Variants in TCF4 observed in about 807,000 individuals in gnomAD.
TCF4 encodes the protein transcription factor 4.
In TCF4, 3 loss-of-function variants were observed where a neutral mutation model predicts 82.1. The observed-to-expected ratio is 0.04, with a 90% CI of 0.02 to 0.09. TCF4 has a LOEUF of 0.09. Ranked by LOEUF, TCF4 falls within the 10% of genes least tolerant of loss-of-function variation. The pLI is 1.00. For missense variants in TCF4, 518 were observed against 852.7 expected, an observed-to-expected ratio of 0.61 and a Z score of 4.89; for synonymous variants, 276 against 309.6, an observed-to-expected ratio of 0.89 and a Z score of 1.14.
intron 8 of TCF4, among the ~76,000 whole-genome samples, chr18:55,332,934 A>G (rs933692993): frequency 6.6e-6 from 1 of 152,236 alleles, no homozygotes; most frequent in African/African-American, 2.4e-5. Context: ...AAAGTTTTAT[A>G]AAGGCCAATT....
intron 9 of TCF4, among the ~76,000 whole-genome samples, chr18:55,278,000 G>A (rs1237084143): frequency 6.6e-6 from 1 of 152,022 alleles, no homozygotes; most frequent in Non-Finnish European, 1.5e-5. Context: ...CACCTAGGAC[G>A]GGTCACAAAG....
intron 5 of TCF4, among the ~76,000 whole-genome samples, chr18:55,425,974 T>G (rs1250972999): frequency 1.3e-5 from 2 of 152,104 alleles, no homozygotes; most frequent in Admixed American, 1.3e-4. Flanking sequence ...TCTTGGAGAT[T>G]TGTTTCCTTT....
At chr18:55,243,267 T>C (rs1320663996) in intron 15 of TCF4, among the ~76,000 whole-genome samples, 1 of 152,244 alleles carries the variant, frequency 6.6e-6, no homozygotes, top group African/African-American at 2.4e-5. Flanking sequence ...GTTTTCATAT[T>C]GTCAGACTAC....
intron 5 of TCF4, among the ~76,000 whole-genome samples, chr18:55,457,872 G>A (rs561238504): frequency 6.6e-6 from 1 of 152,116 alleles, no homozygotes; most frequent in South Asian, 2.1e-4. Context: ...TGTAATAATG[G>A]GTTTCATTAC....
chr18:55,504,246 G>A (rs2096730266), intron 3 of TCF4, among the ~76,000 whole-genome samples: 1 of 152,144 alleles, frequency 6.6e-6, no homozygotes, highest in Non-Finnish European at 1.5e-5. Flanking sequence ...GATAAGAAAC[G>A]TATACATGGG....
intron 6 of TCF4, chr18:55,402,241 T>A (rs1015098249): frequency 1.3e-5 from 13 of 985,120 alleles, no homozygotes; most frequent in African/African-American, 1.7e-5. Flanking sequence ...GGAGTAAACT[T>A]TAAAAATGCA....
chr18:55,362,835 TC>T (rs1486043240), intron 6 of TCF4, among the ~76,000 whole-genome samples: 1 of 152,216 alleles, frequency 6.6e-6, no homozygotes, highest in Non-Finnish European at 1.5e-5. Flanking sequence ...ATTTAGATAT[TC>T]AGCATACGAC....
At chr18:55,521,969 T>A (rs1226852938) in intron 3 of TCF4, among the ~76,000 whole-genome samples, 6 of 152,002 alleles carry the variant, frequency 3.9e-5, no homozygotes, top group Admixed American at 6.6e-5. Context: ...ACAGCTACCA[T>A]CCCCACGGCT....
At chr18:55,465,007 A>G (rs970806457) in intron 3 of TCF4, among the ~76,000 whole-genome samples, 21 of 152,230 alleles carry the variant, frequency 1.4e-4, no homozygotes, top group African/African-American at 5.1e-4. Context: ...TTAAAACATA[A>G]AAGTGTTTTA....
At chr18:55,312,275 C>G (rs1224552866) in intron 8 of TCF4, among the ~76,000 whole-genome samples, 4 of 152,028 alleles carry the variant, frequency 2.6e-5, no homozygotes, top group African/African-American at 9.7e-5. Flanking sequence ...TTAAACAGAC[C>G]AACTGAACCC....
At chr18:55,496,407 T>TAAAAAAAAAAAAAAAACAA (rs59413482) in intron 3 of TCF4, 1 of 131,920 alleles carries the variant, frequency 7.6e-6, no homozygotes. Flanking sequence ...ACAAAAAAAC[T>TAAAAAAAAAAAAAAAACAA]AAAAAAAAAA....
chr18:55,344,320 C>A (rs72926906), intron 8 of TCF4, among the ~76,000 whole-genome samples: 3,115 of 152,226 alleles, frequency 0.02, 54 homozygotes, highest in Non-Finnish European at 0.033. Flanking sequence ...ATTATCAAGG[C>A]ATTTATCTAC....
chr18:55,384,700 T>TC (rs1483506849), intron 6 of TCF4, among the ~76,000 whole-genome samples: 2 of 152,138 alleles, frequency 1.3e-5, no homozygotes, highest in African/African-American at 4.8e-5. Context: ...CTGACCTTTT[T>TC]CCCATCCTCC....
intron 3 of TCF4, among the ~76,000 whole-genome samples, chr18:55,547,274 T>G (rs549272691): frequency 6.6e-6 from 1 of 152,342 alleles, no homozygotes; most frequent in East Asian, 1.9e-4. Flanking sequence ...TAATATTCTA[T>G]GACAGGATTC....
intron 2 of TCF4, among the ~76,000 whole-genome samples, chr18:55,608,025 A>G (rs530733417): frequency 6.6e-6 from 1 of 152,248 alleles, no homozygotes; most frequent in South Asian, 2.1e-4. Context: ...TGTCTCCTTC[A>G]CTGTTGATCT....
chr18:55,295,272 T>C (rs544745653), intron 8 of TCF4, among the ~76,000 whole-genome samples: 66 of 152,208 alleles, frequency 4.3e-4, no homozygotes, highest in Non-Finnish European at 7.9e-4. Context: ...GCTGCAGGTG[T>C]GTCATTCCTT....
chr18:55,276,963 A>T (rs1400660102), intron 9 of TCF4, among the ~76,000 whole-genome samples: 2 of 152,208 alleles, frequency 1.3e-5, no homozygotes, highest in African/African-American at 4.8e-5. Context: ...AGAACCATGC[A>T]AGCAAAATCA....
intron 2 of TCF4, among the ~76,000 whole-genome samples, chr18:55,626,767 C>G (rs1568505957): frequency 6.6e-6 from 1 of 152,150 alleles, no homozygotes; most frequent in Non-Finnish European, 1.5e-5. Flanking sequence ...AATGTCTTTC[C>G]ACTTAAAGGC....
At chr18:55,553,420 C>A (rs2097276856) in intron 3 of TCF4, 1 of 152,158 alleles carries the variant, frequency 6.6e-6, no homozygotes, top group African/African-American at 2.4e-5. Context: ...GGATTTCCAT[C>A]TGGGTATACA....
Sources: gnomAD v4.1 joint callset for allele counts (sites outside exome capture counted in the v4.1 genomes callset) on GRCh38, gnomAD v4.1.1 for gene constraint, MANE v1.5 for transcripts, NCBI Gene and HGNC (gene_info 2026-07-23, HGNC 2026-07-21) for gene names.